The following CACNG4 variants were observed in gnomAD, a reference collection of about 807,000 sequenced individuals.
The protein encoded by CACNG4 is voltage-dependent calcium channel gamma-4 subunit.
A neutral mutation model predicts 22.9 loss-of-function variants in CACNG4; 8 were observed. The ratio of observed to expected loss-of-function variants is 0.35; its 90% CI spans 0.21 to 0.63. The LOEUF (loss-of-function observed/expected upper bound fraction) is 0.63, where lower values mean the gene tolerates loss of function less well. CACNG4 is among the 30% of genes least tolerant of loss of function. The probability of loss-of-function intolerance (pLI) is 0.72; values close to 1 mark genes in which losing one functional copy is unlikely to be tolerated. For missense variants in CACNG4, 357 were observed against 455.4 expected (o/e 0.78, Z 1.97); for synonymous variants, 188 against 191.9 (o/e 0.98, Z 0.17).
intron 1 of CACNG4, among the ~76,000 whole-genome samples, chr17:67,015,430 A>T (rs1898697876): frequency 6.6e-6 from 1 of 152,184 alleles, no homozygotes; most frequent in Admixed American, 6.5e-5. Flanking sequence ...GACTCCTTGC[A>T]GTGACCAAGT....
chr17:66,972,116 G>A (rs116178950), intron 1 of CACNG4, among the ~76,000 whole-genome samples: 1,762 of 152,256 alleles, frequency 0.012, 41 homozygotes, highest in African/African-American at 0.04. Context: ...AGCCGGCCAG[G>A]CGACAGCACC....
chr17:66,985,127 G>A (rs1007965469), intron 1 of CACNG4, among the ~76,000 whole-genome samples: 4 of 152,084 alleles, frequency 2.6e-5, no homozygotes, highest in South Asian at 2.1e-4. Context: ...ACCCTGCTCT[G>A]GGGGGCTCCC....
At chr17:67,000,953 C>T (rs2035404477) in intron 1 of CACNG4, among the ~76,000 whole-genome samples, 1 of 152,098 alleles carries the variant, frequency 6.6e-6, no homozygotes, top group African/African-American at 2.4e-5. Context: ...GCTTCACACC[C>T]TGATATGGTT....
intron 1 of CACNG4, among the ~76,000 whole-genome samples, chr17:67,008,898 G>C (rs745679782): frequency 6.6e-6 from 1 of 152,050 alleles, no homozygotes; most frequent in Non-Finnish European, 1.5e-5. Context: ...GCAGTGAGCC[G>C]AGATCGCGCC....
intron 1 of CACNG4, among the ~76,000 whole-genome samples, chr17:66,995,639 C>G (rs1712462794): frequency 6.6e-6 from 1 of 152,102 alleles, no homozygotes; most frequent in Non-Finnish European, 1.5e-5. Context: ...ATCATGAGGT[C>G]AGGAGTTCGA....
chr17:67,022,781 C>T (rs534943520), intron 2 of CACNG4, among the ~76,000 whole-genome samples: 1 of 152,206 alleles, frequency 6.6e-6, no homozygotes, highest in East Asian at 1.9e-4. Flanking sequence ...TGGGAAAGGC[C>T]GAGCTCTGGG....
In CACNG4 at chr17:66,965,160, C is replaced by CCCCACA. The variant is rs1555575204; in HGVS notation, c.220+30_220+31insCCACAC. 5.9e-6 allele frequency: 5 copies of CCCCACA among 846,192 alleles called. No homozygotes were observed. In the African/African-American group the frequency reaches 6.0e-5, roughly 10 times the overall value. 52.4% of individuals were successfully genotyped at this position (846,192 alleles called of 1,614,324 possible). A position where few individuals can be genotyped will look rare whatever the true frequency, so the allele number is the denominator to read the frequency against. On this transcript the variant is annotated intron_variant, in intron 1 of 3. Coordinates refer to ENST00000262138, the MANE Select transcript of CACNG4 (RefSeq NM_014405.4). ...CGGCCAGCCCCGACCCCTCGCCGCC[C>CCCCACA]CACACACACACACACACACACACAC...
At chr17:66,990,752 T>G (rs1411046927) in intron 1 of CACNG4, among the ~76,000 whole-genome samples, 2 of 152,016 alleles carry the variant, frequency 1.3e-5, no homozygotes, top group Non-Finnish European at 2.9e-5. Context: ...GTGATCTCAG[T>G]TCACTGCAAG....
At chr17:66,999,809 C>G (rs1414729455) in intron 1 of CACNG4, among the ~76,000 whole-genome samples, 2 of 152,184 alleles carry the variant, frequency 1.3e-5, no homozygotes, top group African/African-American at 2.4e-5. Flanking sequence ...CAAACCATAT[C>G]AACTGGCAAA....
Position 66,978,779 on chromosome 17 carries a change from T to A in CACNG4, c.220+13648T>A, listed in dbSNP as rs555174171. ...TTTCTCGCTTCAGCAGTTTGGCATG[T>A]CATACAAAGGGGCTCTGATTTTTCC... On this transcript the variant is annotated intron_variant, in intron 1 of 3. Coordinates refer to ENST00000262138, the MANE Select transcript of CACNG4 (RefSeq NM_014405.4). Among the ~76,000 whole-genome samples the A allele has an allele frequency of 2.0e-5, 3 of 152,370 alleles. No homozygotes were observed. The East Asian group carries it at 5.8e-4, about 29-fold the overall frequency.
intron 1 of CACNG4, among the ~76,000 whole-genome samples, chr17:66,985,338 G>C (rs938866803): frequency 6.6e-6 from 1 of 152,238 alleles, no homozygotes; most frequent in Non-Finnish European, 1.5e-5. Context: ...AGCATTCGAA[G>C]TGATAGGGAA....
At chr17:67,026,194 T>C (rs755136073) in intron 3 of CACNG4, among the ~76,000 whole-genome samples, 2 of 151,654 alleles carry the variant, frequency 1.3e-5, no homozygotes, top group Non-Finnish European at 1.5e-5. Context: ...GTGGTGTGTG[T>C]GTTTGAGGAC....
intron 1 of CACNG4, among the ~76,000 whole-genome samples, chr17:67,010,067 G>T (rs1369715235): frequency 1.3e-5 from 2 of 151,216 alleles, no homozygotes; most frequent in African/African-American, 4.9e-5. Flanking sequence ...TCACACCTTT[G>T]CCCCGACTGC....
At chr17:67,023,188 C>CGTTGGAT (rs1051696250) in intron 2 of CACNG4, among the ~76,000 whole-genome samples, 127 of 150,804 alleles carry the variant, frequency 8.4e-4, no homozygotes, top group Non-Finnish European at 2.2e-4. Flanking sequence ...GGATGCTCGT[C>CGTTGGAT]GTTGGATCTA....
At chr17:67,025,714 T>C (rs2035560360) in intron 3 of CACNG4, among the ~76,000 whole-genome samples, 1 of 152,238 alleles carries the variant, frequency 6.6e-6, no homozygotes, top group East Asian at 1.9e-4. Flanking sequence ...TGGCTGAAGA[T>C]GGGCAGGCCT....
At chr17:67,001,507 G>A (rs753787071) in intron 1 of CACNG4, among the ~76,000 whole-genome samples, 1 of 152,220 alleles carries the variant, frequency 6.6e-6, no homozygotes, top group Non-Finnish European at 1.5e-5. Context: ...CCTTCAAGGC[G>A]CAGCTGTACT....
chr17:66,964,879 G>C lies in CACNG4; in HGVS notation c.-33G>C, dbSNP rs944068794. ...GAGGGCGGGCGGGCGCGGCGGGCCG[G>C]GCCGGCGGGCGGCGGACTATGAGGC... On this transcript the variant is annotated 5_prime_UTR_variant, in exon 1 of 4. Coordinates refer to ENST00000262138, the MANE Select transcript of CACNG4 (RefSeq NM_014405.4). The C allele has an allele frequency of 8.4e-6, 11 of 1,303,900 alleles. No homozygotes were observed. The East Asian group carries it at 1.7e-4, about 20-fold the overall frequency. The allele number at this position is 1,303,900 out of a possible 1,614,324, so 80.8% of individuals were successfully genotyped here. A position where few individuals can be genotyped will look rare whatever the true frequency, so the allele number is the denominator to read the frequency against.
intron 1 of CACNG4, among the ~76,000 whole-genome samples, chr17:66,994,276 A>G (rs1047103352): frequency 2.1e-4 from 32 of 148,856 alleles, no homozygotes; most frequent in Admixed American, 6.8e-4. Context: ...GCAGTGAGGT[A>G]TGATCAAGCC....
At chr17:66,982,915 T>G (rs981029189) in intron 1 of CACNG4, among the ~76,000 whole-genome samples, 1 of 152,176 alleles carries the variant, frequency 6.6e-6, no homozygotes, top group Admixed American at 6.5e-5. Flanking sequence ...GTGCACTTTA[T>G]ATAGATTAAC....
Sources: gnomAD v4.1 joint callset for allele counts (sites outside exome capture counted in the v4.1 genomes callset) on GRCh38, gnomAD v4.1.1 for gene constraint, MANE v1.5 for transcripts, NCBI Gene and HGNC (gene_info 2026-07-23, HGNC 2026-07-21) for gene names.